Variants in ENOX1 observed in about 807,000 individuals in gnomAD.
ENOX1 encodes the protein candidate growth-related and time keeping constitutive hydroquinone (NADH) oxidase.
In ENOX1, 42 loss-of-function variants were observed where a neutral mutation model predicts 82.5. The ratio of observed to expected loss-of-function variants is 0.51; its 90% CI spans 0.40 to 0.66. The LOEUF (loss-of-function observed/expected upper bound fraction) is 0.66. Ranked by LOEUF, ENOX1 falls within the 30% of genes least tolerant of loss-of-function variation. ENOX1 has a pLI of 0.00. For missense variants in ENOX1, 608 were observed against 811.6 expected, an observed-to-expected ratio of 0.75 and a Z score of 3.05; for synonymous variants, 271 against 282.2, an observed-to-expected ratio of 0.96 and a Z score of 0.40.
chr13:43,415,049 T>C (rs9533481), intron 3 of ENOX1, among the ~76,000 whole-genome samples: 118,844 of 152,060 alleles, frequency 0.78, 48,804 homozygotes, highest in South Asian at 0.95. Flanking sequence ...TTCTACCTAA[T>C]ACTTTCATGG....
At chr13:43,450,393 G>A (rs1029956371) in intron 3 of ENOX1, among the ~76,000 whole-genome samples, 2 of 152,166 alleles carry the variant, frequency 1.3e-5, no homozygotes, top group Non-Finnish European at 2.9e-5. Context: ...ATTCAAGTAC[G>A]ACGAGGCCAA....
chr13:43,527,298 C>T (rs759693282), intron 2 of ENOX1, among the ~76,000 whole-genome samples: 10 of 152,058 alleles, frequency 6.6e-5, no homozygotes, highest in South Asian at 2.1e-4. Flanking sequence ...GGTGGATGTT[C>T]TGGGCCAAAC....
At chr13:43,709,968 T>C (rs1464552886) in intron 1 of ENOX1, among the ~76,000 whole-genome samples, 1 of 152,180 alleles carries the variant, frequency 6.6e-6, no homozygotes, top group African/African-American at 2.4e-5. Context: ...TTTTATATGT[T>C]ATTAAAGCAC....
At chr13:43,545,253 T>G (rs2078924242) in intron 2 of ENOX1, 1 of 152,236 alleles carries the variant, frequency 6.6e-6, no homozygotes, top group Non-Finnish European at 1.5e-5. Context: ...GACAGTCTTC[T>G]CTAAAGGACC....
chr13:43,655,042 C>T (rs889733680), intron 2 of ENOX1, among the ~76,000 whole-genome samples: 2 of 152,156 alleles, frequency 1.3e-5, no homozygotes, highest in African/African-American at 4.8e-5. Flanking sequence ...CTCTGTGACA[C>T]AGAATGCTCA....
intron 2 of ENOX1, among the ~76,000 whole-genome samples, chr13:43,529,963 C>T (rs2078141622): frequency 6.6e-6 from 1 of 152,114 alleles, no homozygotes; most frequent in Non-Finnish European, 1.5e-5. Flanking sequence ...TCCAGGTAGT[C>T]TGAGTTTAAA....
At chr13:43,542,624 T>A (rs1229796931) in intron 2 of ENOX1, among the ~76,000 whole-genome samples, 7 of 151,822 alleles carry the variant, frequency 4.6e-5, no homozygotes. Flanking sequence ...TTAGTAGAGA[T>A]GGGGTTTCAC....
At chr13:43,700,506 A>T (rs1257540090) in intron 1 of ENOX1, among the ~76,000 whole-genome samples, 1 of 152,166 alleles carries the variant, frequency 6.6e-6, no homozygotes, top group East Asian at 1.9e-4. Context: ...TGAAACAATT[A>T]TCAATTTACA....
intron 5 of ENOX1, among the ~76,000 whole-genome samples, chr13:43,374,984 G>A (rs936769059): frequency 8.5e-5 from 13 of 152,192 alleles, no homozygotes; most frequent in African/African-American, 3.1e-4. Flanking sequence ...CAGATGTGAG[G>A]CTGCAACCTG....
At chr13:43,685,630 T>TC (rs1367299879) in intron 1 of ENOX1, among the ~76,000 whole-genome samples, 2 of 151,760 alleles carry the variant, frequency 1.3e-5, no homozygotes, top group East Asian at 3.9e-4. Flanking sequence ...GGTTTTTTTT[T>TC]AAGTTGCCGG....
chr13:43,333,199 T>C (rs2153535661), intron 9 of ENOX1, among the ~76,000 whole-genome samples: 1 of 152,300 alleles, frequency 6.6e-6, no homozygotes, highest in South Asian at 2.1e-4. Flanking sequence ...TTCTTAGCAG[T>C]AGAAAGGCTA....
At chr13:43,353,233 CCTA>C in intron 8 of ENOX1, among the ~76,000 whole-genome samples, 1 of 152,244 alleles carries the variant, frequency 6.6e-6, no homozygotes, top group Admixed American at 6.5e-5. Flanking sequence ...TTACTGAGCA[CCTA>C]CTATGTGCAC....
In ENOX1 at chr13:43,508,071, T is replaced by C. The variant is rs1055740552; in HGVS notation, c.-218-23919A>G. 3.9e-5 allele frequency among the ~76,000 whole-genome samples: 6 copies of C among 151,972 alleles called. No homozygotes were observed. The East Asian group carries it at 1.2e-3, about 29-fold the overall frequency. On this transcript the variant is annotated intron_variant, in intron 2 of 16. Transcript: ENST00000690772. ...TGGAAGGCATTAAAGGGAGGAGTTA[T>C]AGAAAGAATGATTGTTATGGTCTGA...
intron 2 of ENOX1, among the ~76,000 whole-genome samples, chr13:43,510,052 A>G (rs999012331): frequency 6.6e-6 from 1 of 152,024 alleles, no homozygotes; most frequent in Non-Finnish European, 1.5e-5. Flanking sequence ...TTCTCTGTAC[A>G]TATGTATAGA....
intron 2 of ENOX1, among the ~76,000 whole-genome samples, chr13:43,666,278 G>A (rs1474134524): frequency 6.6e-6 from 1 of 152,098 alleles, no homozygotes; most frequent in Admixed American, 6.6e-5. Flanking sequence ...AGGTATGCCT[G>A]TACCCCTATA....
At chr13:43,589,488 G>A (rs1240951098) in intron 2 of ENOX1, among the ~76,000 whole-genome samples, 3 of 152,094 alleles carry the variant, frequency 2.0e-5, no homozygotes, top group African/African-American at 2.4e-5. Context: ...TACTTGGGGT[G>A]TCAGGAAAAC....
At chr13:43,239,122 A>G (rs1465765380) in intron 14 of ENOX1, among the ~76,000 whole-genome samples, 1 of 152,220 alleles carries the variant, frequency 6.6e-6, no homozygotes, top group Non-Finnish European at 1.5e-5. Context: ...TGAAAAAATT[A>G]GTATGGAGAG....
chr13:43,524,731 A>G (rs527726708), intron 2 of ENOX1, among the ~76,000 whole-genome samples: 4 of 152,114 alleles, frequency 2.6e-5, no homozygotes, highest in Non-Finnish European at 4.4e-5. Context: ...TTCTGCTTCA[A>G]TATCACTGCT....
intron 5 of ENOX1, among the ~76,000 whole-genome samples, chr13:43,404,099 C>T (rs919844945): frequency 1.3e-5 from 2 of 152,064 alleles, no homozygotes. Flanking sequence ...TCCCCTCTTG[C>T]CATTCTTCAA....
Sources: allele counts gnomAD v4.1 joint callset (sites outside exome capture counted in the v4.1 genomes callset), GRCh38; gene constraint gnomAD v4.1.1; transcripts MANE v1.5; gene names NCBI Gene and HGNC (gene_info 2026-07-23, HGNC 2026-07-21).